INPP5A: variants seen among roughly 807,000 people sequenced by gnomAD.
INPP5A encodes 43 kDa inositol polyphosphate 5-phophatase.
INPP5A carries 14 observed loss-of-function variants against 65.2 expected under a neutral mutation model. The observed-to-expected ratio is 0.21, with a 90% CI of 0.14 to 0.34. The LOEUF (loss-of-function observed/expected upper bound fraction) is 0.34, where lower values mean the gene tolerates loss of function less well. Among genes scored for constraint, INPP5A ranks in the 10% least tolerant of loss-of-function variants. INPP5A has a pLI of 1.00. For synonymous variants in INPP5A, 207 were observed against 208.3 expected, an observed-to-expected ratio of 0.99 and a Z score of 0.05; for missense variants, 431 against 545.6, an observed-to-expected ratio of 0.79 and a Z score of 2.09.
chr10:132,755,813 A>T (rs1272303950), intron 11 of INPP5A, among the ~76,000 whole-genome samples: 3 of 152,176 alleles, frequency 2.0e-5, no homozygotes, highest in Admixed American at 2.0e-4. Context: ...CAGGGGCCTG[A>T]CACGGCTCTG....
rs1846534382 is a variant in INPP5A, at chr10:132,753,489, A to G, written c.903+3644A>G. 6.6e-6 allele frequency among the ~76,000 whole-genome samples: 1 copy of G among 152,250 alleles called. No individual in the cohort carries two copies. Among genetic ancestry groups the G allele is most frequent in the Non-Finnish European group, 1.5e-5 (1 of 68,042 alleles). On this transcript the variant is annotated intron_variant, in intron 11 of 15. Coordinates refer to ENST00000368594, the MANE Select transcript of INPP5A (RefSeq NM_005539.5). The surrounding 1 kb of genome is among the most constrained non-coding windows in gnomAD (Gnocchi z 5.3). ...AAGAGTAGTAATCATTGGCCGGGACATGATTGAATGTGTCCATGCCTATTG... is the reference window on the plus strand; with the variant it reads ...AAGAGTAGTAATCATTGGCCGGGACGTGATTGAATGTGTCCATGCCTATTG...
rs10870327 is a variant in INPP5A, at chr10:132,741,748, G to A, written c.733-7769G>A. The stretch of plus-strand genomic sequence containing the variant: ...TGTCCGCTTGCTTTACTCAATAGCC[G>A]ACGTAAACTGAGGTGGACGTCAGTG... On this transcript the variant is annotated intron_variant, in intron 9 of 15. Coordinates refer to ENST00000368594, the MANE Select transcript of INPP5A (RefSeq NM_005539.5). This position sits in a 1 kb window ranked among gnomAD's most constrained non-coding sequence, Gnocchi z 4.4. Among the ~76,000 whole-genome samples the A allele has an allele frequency of 7.6e-5, 3 of 39,696 alleles. No homozygotes were observed. The highest frequency in any genetic ancestry group is 1.1e-4 in the African/African-American group (2 of 17,638). The allele number at this position is 39,696 out of a possible 152,430, so 26.0% of individuals were successfully genotyped here. A position where few individuals can be genotyped will look rare whatever the true frequency, so the allele number is the denominator to read the frequency against.
At chr10:132,756,787 A>G (rs1017959440) in intron 11 of INPP5A, among the ~76,000 whole-genome samples, 2 of 152,252 alleles carry the variant, frequency 1.3e-5, no homozygotes, top group Admixed American at 6.5e-5. Flanking sequence ...CACGGAGAAG[A>G]AGGCGCCGTT....
chr10:132,742,381 A>T (rs887588887), intron 9 of INPP5A, among the ~76,000 whole-genome samples: 11 of 152,340 alleles, frequency 7.2e-5, no homozygotes, highest in Admixed American at 3.9e-4. Flanking sequence ...CTGAGCAGAG[A>T]GGGGCGCTCC....
chr10:132,654,054 A>T (rs1179709773), intron 4 of INPP5A, among the ~76,000 whole-genome samples: 1 of 152,272 alleles, frequency 6.6e-6, no homozygotes, highest in Non-Finnish European at 1.5e-5. Flanking sequence ...GGCCACCCAG[A>T]GGCAGCCGTG....
chr10:132,765,357 C>T (rs1846823696), intron 11 of INPP5A, among the ~76,000 whole-genome samples: 1 of 152,238 alleles, frequency 6.6e-6, no homozygotes, highest in Non-Finnish European at 1.5e-5. Context: ...GACCTGTTCT[C>T]ACAAAGCTGA....
In INPP5A at chr10:132,551,561, T is replaced by G. The variant is rs2071049473; in HGVS notation, c.75+13390T>G. Among the ~76,000 whole-genome samples, 1 of 152,244 alleles carries G rather than the reference T, an allele frequency of 6.6e-6. No homozygotes were observed. The highest frequency in any genetic ancestry group is 1.5e-5 in the Non-Finnish European group (1 of 68,048). ...ACATCTGTCCAAGTAGCACACAGAC[T>G]TGTGGGGACATATGACTTGCTTTAA... On this transcript the variant is annotated intron_variant, in intron 1 of 15. Transcript: ENST00000368594. The surrounding 1 kb of genome is among the most constrained non-coding windows in gnomAD (Gnocchi z 5.3).
rs2071560404 is a variant in INPP5A, at chr10:132,587,576, T to C, written c.76-20339T>C. On this transcript the variant is annotated intron_variant, in intron 1 of 15. Transcript: ENST00000368594. This position sits in a 1 kb window ranked among gnomAD's most constrained non-coding sequence, Gnocchi z 4.3. ...TTCTGGGCCAATGTTTAAACCTGCC[T>C]GAACTCCAGCCTCTCCCTCTTTGTT... Among the ~76,000 whole-genome samples the C allele has an allele frequency of 6.6e-6, 1 of 152,208 alleles. No individual in the cohort carries two copies. The highest frequency in any genetic ancestry group is 2.4e-5 in the African/African-American group (1 of 41,448).
At chr10:132,773,752 T>C (rs1055023419) in intron 12 of INPP5A, among the ~76,000 whole-genome samples, 5 of 152,150 alleles carry the variant, frequency 3.3e-5, no homozygotes, top group Non-Finnish European at 7.4e-5. Context: ...AGAGCTTTTG[T>C]CCCTCGAGAT....
intron 1 of INPP5A, among the ~76,000 whole-genome samples, chr10:132,541,561 T>A (rs2070906859): frequency 6.6e-6 from 1 of 152,168 alleles, no homozygotes; most frequent in Non-Finnish European, 1.5e-5. Flanking sequence ...GAGTTCTTGT[T>A]TATGTTGGTT....
chr10:132,699,406 G>A (rs1012867225), intron 6 of INPP5A, among the ~76,000 whole-genome samples: 1 of 152,062 alleles, frequency 6.6e-6, no homozygotes, highest in Non-Finnish European at 1.5e-5. Flanking sequence ...GCCACCTGAT[G>A]GCATGAGGAG....
At chr10:132,590,015 T>C (rs1438606786) in intron 1 of INPP5A, among the ~76,000 whole-genome samples, 3 of 152,222 alleles carry the variant, frequency 2.0e-5, no homozygotes, top group African/African-American at 7.2e-5. Flanking sequence ...GACCCATGGC[T>C]CCTGCACGGA....
intron 1 of INPP5A, among the ~76,000 whole-genome samples, chr10:132,568,059 T>C (rs919086011): frequency 6.6e-6 from 1 of 151,840 alleles, no homozygotes; most frequent in African/African-American, 2.4e-5. Flanking sequence ...GGTGTGGTGG[T>C]GCGTGCCTGT....
chr10:132,554,399 A>G (rs1271100257), intron 1 of INPP5A, among the ~76,000 whole-genome samples: 1 of 152,140 alleles, frequency 6.6e-6, no homozygotes, highest in African/African-American at 2.4e-5. Context: ...CTCCTGGGCA[A>G]GTGGCGGGGC....
chr10:132,577,814 C>T (rs995152293), intron 1 of INPP5A, among the ~76,000 whole-genome samples: 10 of 152,196 alleles, frequency 6.6e-5, no homozygotes, highest in African/African-American at 9.6e-5. Context: ...CAGCCTCTCT[C>T]GCCCATGGGC....
chr10:132,670,493 C>T (rs1458620950), intron 4 of INPP5A, among the ~76,000 whole-genome samples: 1 of 144,662 alleles, frequency 6.9e-6, no homozygotes, highest in Non-Finnish European at 1.5e-5. Context: ...CTGTAGTCCC[C>T]AGCCCCTGGC....
At chr10:132,623,023 C>T (rs568995181) in intron 2 of INPP5A, among the ~76,000 whole-genome samples, 5 of 152,156 alleles carry the variant, frequency 3.3e-5, no homozygotes, top group East Asian at 1.9e-4. Context: ...CGTCCGTGTT[C>T]GTGGATTGGA....
intron 9 of INPP5A, among the ~76,000 whole-genome samples, chr10:132,747,353 T>G (rs1225706050): frequency 6.6e-6 from 1 of 152,268 alleles, no homozygotes; most frequent in Non-Finnish European, 1.5e-5. Context: ...CTTGACCCCA[T>G]CAGCCGGTCT....
intron 8 of INPP5A, among the ~76,000 whole-genome samples, chr10:132,724,525 CCAGG>C (rs1449126296): frequency 6.6e-6 from 1 of 152,198 alleles, no homozygotes; most frequent in Non-Finnish European, 1.5e-5. Context: ...AAGGCCAGCC[CCAGG>C]CCAGCAGGAG....
Sources: gnomAD v4.1 joint callset for allele counts (sites outside exome capture counted in the v4.1 genomes callset) on GRCh38, gnomAD v4.1.1 for gene constraint, Gnocchi (gnomAD v3.1) non-coding constraint, MANE v1.5 for transcripts, NCBI Gene and HGNC (gene_info 2026-07-23, HGNC 2026-07-21) for gene names.